Variants in SLC6A2 observed in about 807,000 individuals in gnomAD.
SLC6A2 encodes sodium-dependent noradrenaline transporter.
SLC6A2 carries 26 observed loss-of-function variants against 71.7 expected under a neutral mutation model. That is an observed-to-expected ratio of 0.36 (90% CI 0.27 to 0.50). SLC6A2 has a LOEUF of 0.50. Among genes scored for constraint, SLC6A2 ranks in the 20% least tolerant of loss-of-function variants. The pLI is 0.96. For synonymous variants in SLC6A2, 363 were observed against 337.9 expected (o/e 1.07, Z -0.82); for missense variants, 581 against 803.9 (o/e 0.72, Z 3.35).
In SLC6A2 at chr16:55,657,582, G is replaced by A. The variant is rs115720130; in HGVS notation, c.274+614G>A. 1.9e-3 allele frequency among the ~76,000 whole-genome samples: 286 copies of A among 152,330 alleles called. 1 individual carries two copies. Among genetic ancestry groups the A allele is most frequent in the African/African-American group, 6.8e-3 (282 of 41,588 alleles). On this transcript the variant is annotated intron_variant, in intron 2 of 14. Transcript: ENST00000568943. ...AATAATGCCATTCTCAGGGAGCACAGCCCAGGTGGAATCAGGCCAGTAGGT... is the reference window on the plus strand; with the variant it reads ...AATAATGCCATTCTCAGGGAGCACAACCCAGGTGGAATCAGGCCAGTAGGT...
rs1226666353 is a variant in SLC6A2 at position 55,703,434 on chromosome 16, G to GA, written c.*1089dup. The GA allele has an allele frequency of 1.0e-6, 1 of 985,472 alleles. No homozygotes were observed. The highest frequency in any genetic ancestry group is 4.7e-5 in the South Asian group (1 of 21,288). 61.0% of individuals were successfully genotyped at this position (985,472 alleles called of 1,614,324 possible). A position where few individuals can be genotyped will look rare whatever the true frequency, so the allele number is the denominator to read the frequency against. On this transcript the variant is annotated 3_prime_UTR_variant, in exon 15 of 15. Coordinates refer to ENST00000568943, the MANE Select transcript of SLC6A2 (RefSeq NM_001172501.3). ...TGGCTGCAAAAACTCTCATGCACTA[G>GA]ATGTGGCACCTTGGAGGGCAGGGTG...
rs1964445535 is a variant in SLC6A2 at position 55,656,307 on chromosome 16, G to A, written c.-52+138G>A. On this transcript the variant is annotated intron_variant, in intron 1 of 14. Transcript: ENST00000568943. This position sits in a 1 kb window ranked among gnomAD's most constrained non-coding sequence, Gnocchi z 4.5. ...AGGCTCCTGTGGCTGTTGAAGTGTC[G>A]CGGACCTGAGCTGGGGAGGGGGTCG... 1 of 349,410 alleles carries A rather than the reference G, an allele frequency of 2.9e-6. No individual in the cohort carries two copies. Among genetic ancestry groups the A allele is most frequent in the South Asian group, 2.6e-5 (1 of 38,366 alleles). 21.6% of individuals were successfully genotyped at this position (349,410 alleles called of 1,614,324 possible).
chr16:55,703,590 G>GC lies in SLC6A2; in HGVS notation c.*1247dup. 4 of 985,394 alleles carry GC rather than the reference G, an allele frequency of 4.1e-6. No individual in the cohort carries two copies. Among genetic ancestry groups the GC allele is most frequent in the Non-Finnish European group, 4.8e-6 (4 of 829,934 alleles). The allele number at this position is 985,394 out of a possible 1,614,324, so 61.0% of individuals were successfully genotyped here. A position where few individuals can be genotyped will look rare whatever the true frequency, so the allele number is the denominator to read the frequency against. On this transcript the variant is annotated 3_prime_UTR_variant, in exon 15 of 15. Transcript: ENST00000568943. ...CTTCTGATACAAACTTGCACTTGGT[G>GC]CCCTCTGGTGGTGTTTAGTTTTAGT...
chr16:55,669,518 G>A, intron 2 of SLC6A2, 47 bp from the exon 3 acceptor site: 1 of 1,610,708 alleles, frequency 6.2e-7, no homozygotes, highest in South Asian at 1.1e-5. Context: ...CCAAGACTGG[G>A]AGGGGCAGGG....
At chr16:55,701,658 C>A (rs1965974566) in intron 13 of SLC6A2, among the ~76,000 whole-genome samples, 1 of 152,228 alleles carries the variant, frequency 6.6e-6, no homozygotes, top group South Asian at 2.1e-4. Context: ...CCACAGTAGG[C>A]AGCTCAAGAA....
intron 2 of SLC6A2, among the ~76,000 whole-genome samples, chr16:55,664,548 A>C (rs1409320622): frequency 6.6e-6 from 1 of 152,190 alleles, no homozygotes; most frequent in African/African-American, 2.4e-5. Flanking sequence ...TCCTGTTTCC[A>C]GTGGACAGAG....
intron 5 of SLC6A2, among the ~76,000 whole-genome samples, chr16:55,685,970 G>A (rs1965438691): frequency 6.6e-6 from 1 of 152,132 alleles, no homozygotes; most frequent in African/African-American, 2.4e-5. Context: ...AACATCATGG[G>A]AACAACAACC....
rs1250159860 is a variant in SLC6A2, at chr16:55,704,182, G to T, written c.*1836G>T. 2.6e-5 allele frequency: 4 copies of T among 152,216 alleles called. No homozygotes were observed. The highest frequency in any genetic ancestry group is 9.7e-5 in the African/African-American group (4 of 41,386). 9.4% of individuals were successfully genotyped at this position (152,216 alleles called of 1,614,324 possible). ...TTTTTGTTTTTGTTTTTGTTTGTTT[G>T]TTTGTTTGTTTGTAATAAAGCACTT... On this transcript the variant is annotated 3_prime_UTR_variant, in exon 15 of 15. Transcript: ENST00000568943.
intron 7 of SLC6A2, among the ~76,000 whole-genome samples, chr16:55,694,476 G>T (rs1163560814): frequency 6.6e-6 from 1 of 152,152 alleles, no homozygotes; most frequent in Admixed American, 6.5e-5. Flanking sequence ...GCCTGGCAGG[G>T]TCAGAAGTGA....
At chr16:55,668,786 G>A (rs1325362607) in intron 2 of SLC6A2, among the ~76,000 whole-genome samples, 1 of 152,148 alleles carries the variant, frequency 6.6e-6, no homozygotes, top group African/African-American at 2.4e-5. Context: ...GTGATGTTCT[G>A]GGTGGGTAAC....
In SLC6A2 at chr16:55,670,410, G is replaced by T. The variant is rs374956122; in HGVS notation, c.406+714G>T. Among the ~76,000 whole-genome samples, 79 of 152,212 alleles carry T rather than the reference G, an allele frequency of 5.2e-4. No homozygotes were observed. In the South Asian group the frequency reaches 0.013, roughly 25 times the overall value. ...AGAGTCTTATAAGACATGTGCATTC[G>T]TTACTTTTTTTGTTGTTAATTGTCA... On this transcript the variant is annotated intron_variant, in intron 3 of 14. Coordinates refer to ENST00000568943, the MANE Select transcript of SLC6A2 (RefSeq NM_001172501.3).
chr16:55,698,358 A>G, intron 10 of SLC6A2, 111 bp from the exon 11 acceptor site: 1 of 817,734 alleles, frequency 1.2e-6, no homozygotes, highest in South Asian at 1.4e-5. Context: ...GGGTTTTCAA[A>G]TAGAGCTCCG....
intron 8 of SLC6A2, 126 bp downstream of exon 8, chr16:55,695,528 C>A: frequency 9.5e-7 from 1 of 1,055,658 alleles, no homozygotes. Flanking sequence ...GTGTCCAAAC[C>A]ACCCATGTGA....
chr16:55,696,260 A>T lies in SLC6A2; in HGVS notation c.1183A>T (p.Ile395Phe), dbSNP rs1296654929. Residue 395 changes from isoleucine to phenylalanine, a missense_variant, in exon 9 of 15, where the codon ATT (isoleucine) becomes TTT (phenylalanine). Transcript: ENST00000568943. Reference sequence around the variant, plus strand: ...AGTGTTCATCCTGTATCCAGAGGCCATTTCTACCCTGTCTGGATCTACATT... The same window carrying T: ...AGTGTTCATCCTGTATCCAGAGGCCTTTTCTACCCTGTCTGGATCTACATT... ...GLVFILYPEA[I>F]STLSGSTFWA... is the part of the protein sequence containing the mutation. The T allele has an allele frequency of 6.2e-7, 1 of 1,613,672 alleles. No homozygotes were observed. Among genetic ancestry groups the T allele is most frequent in the East Asian group, 2.2e-5 (1 of 44,878 alleles).
In SLC6A2 at chr16:55,705,638, A is replaced by G. The variant is rs1470571971; in HGVS notation, c.*3292A>G. The G allele has an allele frequency of 5.4e-6, 1 of 185,510 alleles. No individual in the cohort carries two copies. The highest frequency in any genetic ancestry group is 1.1e-5 in the Non-Finnish European group (1 of 89,900). The allele number at this position is 185,510 out of a possible 1,614,324, so 11.5% of individuals were successfully genotyped here. The stretch of plus-strand genomic sequence containing the variant: ...GTTATATCAGATCATCAAAGTTCCC[A>G]TTCCATTAAAGAAAACCCTGCATGT... On this transcript the variant is annotated 3_prime_UTR_variant, in exon 15 of 15. Coordinates refer to ENST00000568943, the MANE Select transcript of SLC6A2 (RefSeq NM_001172501.3).
In SLC6A2 at chr16:55,685,300, T is replaced by C; in HGVS notation, c.783+19T>C. 1 of 1,612,566 alleles carries C rather than the reference T, an allele frequency of 6.2e-7. No individual in the cohort carries two copies. The highest frequency in any genetic ancestry group is 8.5e-7 in the Non-Finnish European group (1 of 1,178,548). ...AGGAAAGGTAATATCTCTGTGTTTCTCTTTCACTTACTTGGGTGATCAACC... is the reference window on the plus strand; with the variant it reads ...AGGAAAGGTAATATCTCTGTGTTTCCCTTTCACTTACTTGGGTGATCAACC... On this transcript the variant is annotated intron_variant, in intron 5 of 14. Transcript: ENST00000568943.
At chr16:55,689,681 A>G (rs188091581) in intron 5 of SLC6A2, among the ~76,000 whole-genome samples, 8 of 152,368 alleles carry the variant, frequency 5.3e-5, no homozygotes, top group Admixed American at 2.0e-4. Context: ...TATTTGTCCC[A>G]GATCAGGAGA....
At position 55,665,762 on chromosome 16, in the gene SLC6A2, C is replaced by T. The variant is rs139914948; in HGVS notation, c.275-3803C>T. 2.4e-3 allele frequency among the ~76,000 whole-genome samples: 360 copies of T among 152,318 alleles called. 2 individuals are homozygous for T. The highest frequency in any genetic ancestry group is 3.4e-3 in the Middle Eastern group (1 of 294). On this transcript the variant is annotated intron_variant, in intron 2 of 14. Coordinates refer to ENST00000568943, the MANE Select transcript of SLC6A2 (RefSeq NM_001172501.3). ...ACATCCCACTCTAAACCTAATGACC[C>T]CGGGCTTCCCTTCCTGGGTACTTGG...
intron 2 of SLC6A2, among the ~76,000 whole-genome samples, chr16:55,669,141 T>G (rs1166617013): frequency 6.6e-6 from 1 of 152,116 alleles, no homozygotes; most frequent in Non-Finnish European, 1.5e-5. Context: ...CTGGTTTCAA[T>G]TTTCTTGCCT....
Sources: gnomAD v4.1 joint callset for allele counts (sites outside exome capture counted in the v4.1 genomes callset) on GRCh38, gnomAD v4.1.1 for gene constraint, Gnocchi (gnomAD v3.1) non-coding constraint, MANE v1.5 for transcripts, NCBI Gene and HGNC (gene_info 2026-07-23, HGNC 2026-07-21) for gene names.